The following KIAA1217 variants were observed in gnomAD, a reference collection of about 807,000 sequenced individuals.
KIAA1217 encodes sickle tail protein homolog.
KIAA1217 carries 88 observed loss-of-function variants against 163.9 expected under a neutral mutation model. That is an observed-to-expected ratio of 0.54 (90% CI 0.45 to 0.64). The LOEUF (loss-of-function observed/expected upper bound fraction) is 0.64. Among genes scored for constraint, KIAA1217 ranks in the 30% least tolerant of loss-of-function variants. The pLI, the probability that KIAA1217 is intolerant of heterozygous loss-of-function variation, is 0.00. For missense variants in KIAA1217, 2,372 were observed against 2,475.0 expected (o/e 0.96, Z 0.88); for synonymous variants, 903 against 923.1 (o/e 0.98, Z 0.39).
At chr10:23,842,068 A>G (rs1318247608) in intron 1 of KIAA1217, among the ~76,000 whole-genome samples, 1 of 151,952 alleles carries the variant, frequency 6.6e-6, no homozygotes, top group East Asian at 1.9e-4. Flanking sequence ...GGATTTTGCC[A>G]TGTTGGCCAG....
At chr10:24,376,805 G>A (rs1268881216) in intron 2 of KIAA1217, among the ~76,000 whole-genome samples, 2 of 152,030 alleles carry the variant, frequency 1.3e-5, no homozygotes, top group Non-Finnish European at 2.9e-5. Context: ...TCTTACCACT[G>A]GTGTCAACTC....
Position 24,529,504 on chromosome 10 carries a change from A to T in KIAA1217, c.3082+1385A>T, listed in dbSNP as rs183639106. The stretch of plus-strand genomic sequence containing the variant: ...GTGGAGGGAATTTATATATATATAT[A>T]TATTTTTCCATCTGCAGTTGGTTGA... On this transcript the variant is annotated intron_variant, in intron 14 of 20. Coordinates refer to ENST00000376454, the MANE Select transcript of KIAA1217 (RefSeq NM_019590.5). 2.2e-3 allele frequency among the ~76,000 whole-genome samples: 333 copies of T among 152,198 alleles called. 2 individuals are homozygous for T. Among genetic ancestry groups the T allele is most frequent in the African/African-American group, 7.8e-3 (325 of 41,516 alleles).
chr10:23,791,158 A>T (rs1835930845), intron 1 of KIAA1217, among the ~76,000 whole-genome samples: 1 of 152,190 alleles, frequency 6.6e-6, no homozygotes, highest in Non-Finnish European at 1.5e-5. Context: ...AATTTGGTTT[A>T]TTGCTATAGA....
At chr10:24,321,971 CAG>C (rs2044215998) in intron 2 of KIAA1217, among the ~76,000 whole-genome samples, 1 of 151,952 alleles carries the variant, frequency 6.6e-6, no homozygotes, top group African/African-American at 2.4e-5. Flanking sequence ...TTTTTTGAGA[CAG>C]GGTCTCGCTC....
At chr10:23,997,709 C>A (rs900918105) in intron 1 of KIAA1217, among the ~76,000 whole-genome samples, 2 of 152,186 alleles carry the variant, frequency 1.3e-5, no homozygotes, top group Non-Finnish European at 2.9e-5. Flanking sequence ...TGTCTGGCAG[C>A]ATTTTGGTGG....
At chr10:23,987,264 C>G (rs1846012652) in intron 1 of KIAA1217, among the ~76,000 whole-genome samples, 1 of 151,148 alleles carries the variant, frequency 6.6e-6, no homozygotes, top group Non-Finnish European at 1.5e-5. Flanking sequence ...GTAGTCCCAG[C>G]TACTCCGGAG....
intron 1 of KIAA1217, among the ~76,000 whole-genome samples, chr10:23,736,306 G>T (rs948571798): frequency 6.6e-6 from 1 of 152,298 alleles, no homozygotes; most frequent in Admixed American, 6.5e-5. Context: ...ATGACACACA[G>T]ATTTAATTTT....
chr10:24,080,283 ACTG>A (rs1268744174), intron 2 of KIAA1217, among the ~76,000 whole-genome samples: 20 of 152,162 alleles, frequency 1.3e-4, no homozygotes, highest in African/African-American at 4.8e-4. Context: ...GCTTGATGAT[ACTG>A]GCTGTAAGCT....
intron 2 of KIAA1217, among the ~76,000 whole-genome samples, chr10:24,133,943 C>G (rs79840654): frequency 0.018 from 2,717 of 152,306 alleles, 65 homozygotes; most frequent in African/African-American, 0.062. Context: ...TAACCAACCC[C>G]TTGGATCAGG....
At chr10:23,750,938 TTTCCC>T (rs1235980716) in intron 1 of KIAA1217, among the ~76,000 whole-genome samples, 2 of 151,956 alleles carry the variant, frequency 1.3e-5, no homozygotes, top group Non-Finnish European at 2.9e-5. Flanking sequence ...AGATAATTCC[TTTCCC>T]TTCCCTTCCC....
In KIAA1217 at chr10:24,399,144, C is replaced by T. The variant is rs538192279; in HGVS notation, c.553+18077C>T. Among the ~76,000 whole-genome samples the T allele has an allele frequency of 1.1e-4, 17 of 152,242 alleles. 1 individual carries two copies. The South Asian group carries it at 3.5e-3, about 32-fold the overall frequency. ...TGTAGTTGTACATAGCCAGTGAGATCATATAGGTCATGTTCTTAATACACT... is the reference window on the plus strand; with the variant it reads ...TGTAGTTGTACATAGCCAGTGAGATTATATAGGTCATGTTCTTAATACACT... On this transcript the variant is annotated intron_variant, in intron 3 of 20. Coordinates refer to ENST00000376454, the MANE Select transcript of KIAA1217 (RefSeq NM_019590.5).
chr10:24,381,519 A>G (rs955153658), intron 3 of KIAA1217, among the ~76,000 whole-genome samples: 2 of 152,214 alleles, frequency 1.3e-5, no homozygotes, highest in African/African-American at 4.8e-5. Context: ...GCTGAACCCT[A>G]TTATGAACTG....
rs372508316 is a variant in KIAA1217 at position 24,288,595 on chromosome 10, A to G, written c.354+68686A>G. Among the ~76,000 whole-genome samples, 87 of 152,338 alleles carry G rather than the reference A, an allele frequency of 5.7e-4. 1 individual carries two copies. Among genetic ancestry groups the G allele is most frequent in the African/African-American group, 1.6e-3 (66 of 41,570 alleles). On this transcript the variant is annotated intron_variant, in intron 2 of 20. Coordinates refer to ENST00000376454, the MANE Select transcript of KIAA1217 (RefSeq NM_019590.5). ...TGCTCACTCAAGGGACAGAGCATACAAGGAGACCAGAGAAACAGACCATGG... is the reference window on the plus strand; with the variant it reads ...TGCTCACTCAAGGGACAGAGCATACGAGGAGACCAGAGAAACAGACCATGG...
At chr10:24,167,440 G>A (rs2065409993) in intron 2 of KIAA1217, among the ~76,000 whole-genome samples, 1 of 152,004 alleles carries the variant, frequency 6.6e-6, no homozygotes, top group African/African-American at 2.4e-5. Flanking sequence ...CACAAACTCA[G>A]GATGTCTTTA....
intron 2 of KIAA1217, among the ~76,000 whole-genome samples, chr10:24,237,368 T>TAA (rs2072434146): frequency 6.6e-6 from 1 of 152,234 alleles, no homozygotes; most frequent in South Asian, 2.1e-4. Context: ...TCTCTTGGGT[T>TAA]TACCTCTGCC....
At chr10:24,014,846 A>G (rs779770091) in intron 2 of KIAA1217, among the ~76,000 whole-genome samples, 1 of 152,164 alleles carries the variant, frequency 6.6e-6, no homozygotes, top group Non-Finnish European at 1.5e-5. Context: ...TGTTAAAACC[A>G]CATTGAATTG....
chr10:24,216,487 A>G (rs1425292891), intron 1 of KIAA1217, among the ~76,000 whole-genome samples: 1 of 152,132 alleles, frequency 6.6e-6, no homozygotes, highest in East Asian at 1.9e-4. Context: ...AACTTAAAAT[A>G]TATTTTCTTA....
intron 2 of KIAA1217, among the ~76,000 whole-genome samples, chr10:24,312,126 A>G (rs758946488): frequency 2.0e-5 from 3 of 152,154 alleles, no homozygotes; most frequent in Non-Finnish European, 2.9e-5. Context: ...GGTGCCACTC[A>G]CACCCGAGAT....
At chr10:24,030,095 A>G (rs1848129447) in intron 2 of KIAA1217, among the ~76,000 whole-genome samples, 1 of 152,218 alleles carries the variant, frequency 6.6e-6, no homozygotes, top group African/African-American at 2.4e-5. Context: ...AAGTTCAAGC[A>G]TCAATTACAT....
Sources: gnomAD v4.1 joint callset for allele counts (sites outside exome capture counted in the v4.1 genomes callset) on GRCh38, gnomAD v4.1.1 for gene constraint, MANE v1.5 for transcripts, NCBI Gene and HGNC (gene_info 2026-07-23, HGNC 2026-07-21) for gene names.